HDAC8: variants seen among roughly 807,000 people sequenced by gnomAD.
HDAC8 encodes histone deacetylase 8.
In HDAC8, 1 loss-of-function variant was observed where a neutral mutation model predicts 32.2. The ratio of observed to expected loss-of-function variants is 0.03; its 90% CI spans 0.01 to 0.15. The LOEUF is 0.15. Ranked by LOEUF, HDAC8 falls within the 10% of genes least tolerant of loss-of-function variation. The pLI, the probability that HDAC8 is intolerant of heterozygous loss-of-function variation, is 1.00. For synonymous variants in HDAC8, 108 were observed against 113.9 expected (o/e 0.95, Z 0.33); for missense variants, 117 against 300.0 (o/e 0.39, Z 4.51).
intron 9 of HDAC8, among the ~76,000 whole-genome samples, chrX:72,429,541 T>C (rs1300444746): frequency 8.9e-6 from 1 of 111,826 alleles, no homozygotes; most frequent in African/African-American, 3.3e-5. Flanking sequence ...TTTCAGAAGG[T>C]GTATTTCCTG....
At chrX:72,377,304 T>G (rs2045111493) in intron 9 of HDAC8, 1 of 112,394 alleles carries the variant, frequency 8.9e-6, no homozygotes, top group African/African-American at 3.2e-5. Context: ...CAAAGTACTT[T>G]GTATGATTTC....
intron 7 of HDAC8, among the ~76,000 whole-genome samples, chrX:72,478,374 T>C (rs1379156947): frequency 8.9e-6 from 1 of 112,068 alleles, no homozygotes; most frequent in Admixed American, 9.5e-5. Flanking sequence ...TAGGCTGAGT[T>C]AGTGAGGCTT....
intron 9 of HDAC8, among the ~76,000 whole-genome samples, chrX:72,441,648 A>G (rs2047151369): frequency 8.9e-6 from 1 of 112,439 alleles, no homozygotes; most frequent in African/African-American, 3.2e-5. Context: ...CCAAAGGAAC[A>G]CAGTTTCTCA....
At chrX:72,572,623 C>CA in intron 1 of HDAC8, 28 bp downstream of exon 1, 1 of 932,191 alleles carries the variant, frequency 1.1e-6, no homozygotes, top group Non-Finnish European at 1.5e-6. Flanking sequence ...CCCCAAAGCC[C>CA]ATGGTCTTTC....
intron 9 of HDAC8, among the ~76,000 whole-genome samples, chrX:72,412,381 A>T (rs1555970498): frequency 8.9e-6 from 1 of 111,756 alleles, no homozygotes; most frequent in Non-Finnish European, 1.9e-5. Context: ...TGAGTCATTT[A>T]TCTTTCATAA....
At chrX:72,571,891 A>G in intron 2 of HDAC8, 166 bp downstream of exon 2, 1 of 442,694 alleles carries the variant, frequency 2.3e-6, no homozygotes, top group East Asian at 4.4e-5. Flanking sequence ...TAATTCTTCA[A>G]GAGCTTTCTT....
At chrX:72,474,563 C>G in intron 7 of HDAC8, 1 of 1,162,597 alleles carries the variant, frequency 8.6e-7, no homozygotes, top group South Asian at 2.0e-5. Context: ...ACATTAGTAA[C>G]TTCCCTATAA....
At chrX:72,516,264 G>C in intron 4 of HDAC8, among the ~76,000 whole-genome samples, 1 of 111,916 alleles carries the variant, frequency 8.9e-6, no homozygotes, top group Non-Finnish European at 1.9e-5. Flanking sequence ...ATGGTATAAA[G>C]CTAATTTCTT....
At chrX:72,340,327 G>T (rs1327499673) in intron 10 of HDAC8, among the ~76,000 whole-genome samples, 4 of 111,577 alleles carry the variant, frequency 3.6e-5, no homozygotes, top group African/African-American at 1.3e-4. Context: ...ACAGAGCTCC[G>T]AGGTTCTTTG....
chrX:72,443,952 C>T (rs2047272898), intron 9 of HDAC8, among the ~76,000 whole-genome samples: 1 of 107,120 alleles, frequency 9.3e-6, no homozygotes, highest in Admixed American at 9.9e-5. Flanking sequence ...TGGATAAATT[C>T]CTCAACACAT....
At chrX:72,413,110 T>C (rs2046238959) in intron 9 of HDAC8, among the ~76,000 whole-genome samples, 1 of 90,288 alleles carries the variant, frequency 1.1e-5, no homozygotes, top group Non-Finnish European at 1.9e-5. Flanking sequence ...TCTGTGTAAC[T>C]GGTTTTTTTT....
At chrX:72,464,458 GTAT>G (rs781806165) in intron 8 of HDAC8, 98 bp downstream of exon 8, 1 of 657,821 alleles carries the variant, frequency 1.5e-6, no homozygotes, top group East Asian at 3.2e-5. Flanking sequence ...AGGTAGGTTG[GTAT>G]TATCCAATGC....
intron 4 of HDAC8, among the ~76,000 whole-genome samples, chrX:72,503,948 C>T (rs782275660): frequency 3.6e-5 from 4 of 111,899 alleles, no homozygotes; most frequent in African/African-American, 6.5e-5. Flanking sequence ...GATATTTTGT[C>T]GACCTCAAAA....
intron 7 of HDAC8, among the ~76,000 whole-genome samples, chrX:72,471,673 A>G (rs2048180906): frequency 9.0e-6 from 1 of 111,087 alleles, no homozygotes; most frequent in Non-Finnish European, 1.9e-5. Flanking sequence ...ATCTATTTCA[A>G]CCCTTTGCCC....
chrX:72,408,674 G>T (rs2046111321), intron 9 of HDAC8, among the ~76,000 whole-genome samples: 1 of 112,202 alleles, frequency 8.9e-6, no homozygotes, highest in Admixed American at 9.4e-5. Flanking sequence ...CCAAAGTGCT[G>T]AGATTACAGG....
At chrX:72,500,687 G>A (rs943843448) in intron 4 of HDAC8, among the ~76,000 whole-genome samples, 2 of 111,867 alleles carry the variant, frequency 1.8e-5, no homozygotes, top group African/African-American at 6.5e-5. Flanking sequence ...GGCAAAAGCT[G>A]GAAGCATTCC....
chrX:72,567,284 A>G (rs1289747790), intron 4 of HDAC8, among the ~76,000 whole-genome samples: 5 of 112,159 alleles, frequency 4.5e-5, no homozygotes, highest in African/African-American at 1.6e-4. Flanking sequence ...TCATTAGAGG[A>G]GCATGAGCCC....
intron 10 of HDAC8, chrX:72,330,830 C>G (rs1555940123): frequency 1.8e-5 from 2 of 110,994 alleles, no homozygotes; most frequent in Non-Finnish European, 3.8e-5. Context: ...GGTTGATTTC[C>G]AAAGTCTTGC....
intron 9 of HDAC8, among the ~76,000 whole-genome samples, chrX:72,408,783 A>G (rs1338740284): frequency 9.0e-6 from 1 of 111,717 alleles, no homozygotes; most frequent in Non-Finnish European, 1.9e-5. Flanking sequence ...TGTTCCAGAG[A>G]CAGCAAGAAG....
Sources: gnomAD v4.1 joint callset for allele counts (sites outside exome capture counted in the v4.1 genomes callset) on GRCh38, gnomAD v4.1.1 for gene constraint, MANE v1.5 for transcripts, NCBI Gene and HGNC (gene_info 2026-07-23, HGNC 2026-07-21) for gene names.